Variants in CHN2 observed in about 807,000 individuals in gnomAD.
CHN2 encodes chimerin 2, also known as beta-chimaerin.
CHN2 carries 35 observed loss-of-function variants against 56.3 expected under a neutral mutation model. The observed-to-expected ratio is 0.62, with a 90% confidence interval of 0.47 to 0.82. CHN2 has a LOEUF of 0.82. Among genes scored for constraint, CHN2 ranks in the 40% least tolerant of loss-of-function variants. The pLI is 0.00. For synonymous variants in CHN2, 210 were observed against 212.8 expected, an observed-to-expected ratio of 0.99 and a Z score of 0.12; for missense variants, 491 against 580.5, an observed-to-expected ratio of 0.85 and a Z score of 1.58.
At chr7:29,428,586 CACA>C (rs957375558) in intron 6 of CHN2, among the ~76,000 whole-genome samples, 30 of 152,098 alleles carry the variant, frequency 2.0e-4, no homozygotes, top group African/African-American at 6.8e-4. Flanking sequence ...CTTCAACCAA[CACA>C]ACAAGTGAAA....
intron 6 of CHN2, among the ~76,000 whole-genome samples, chr7:29,408,356 A>G (rs1802859173): frequency 6.6e-6 from 1 of 152,098 alleles, no homozygotes. Context: ...GTTAGATGGA[A>G]GGGGAGACGA....
chr7:29,361,427 G>T (rs1368005946), intron 2 of CHN2, among the ~76,000 whole-genome samples: 1 of 152,082 alleles, frequency 6.6e-6, no homozygotes, highest in African/African-American at 2.4e-5. Flanking sequence ...AGGCTTCTGT[G>T]CCTACTTGCC....
At chr7:29,370,304 A>G (rs1399777936) in intron 3 of CHN2, among the ~76,000 whole-genome samples, 2 of 152,180 alleles carry the variant, frequency 1.3e-5, no homozygotes, top group African/African-American at 4.8e-5. Context: ...GTTGTCTTGT[A>G]ACACACTTGC....
Position 29,292,214 on chromosome 7 carries a change from G to A in CHN2, c.50-62411G>A, listed in dbSNP as rs1792692692. On this transcript the variant is annotated intron_variant, in intron 1 of 12. Transcript: ENST00000222792. ...TTCTCTGTGTTGAACAGAGATGCAT[G>A]TTTTTGATATGCTGAGGAGCATTAC... Among the ~76,000 whole-genome samples the A allele has an allele frequency of 2.6e-5, 4 of 152,150 alleles. No individual in the cohort carries two copies. The South Asian group carries it at 8.3e-4, about 32-fold the overall frequency.
intron 6 of CHN2, among the ~76,000 whole-genome samples, chr7:29,459,003 C>G (rs1343451871): frequency 6.6e-6 from 1 of 152,220 alleles, no homozygotes; most frequent in Non-Finnish European, 1.5e-5. Context: ...GATCCTTTCA[C>G]AAAGAAGTTT....
At chr7:29,180,165 AC>A (rs1481293099) in intron 2 of CHN2, among the ~76,000 whole-genome samples, 1 of 152,214 alleles carries the variant, frequency 6.6e-6, no homozygotes, top group Non-Finnish European at 1.5e-5. Flanking sequence ...AAAATATTTC[AC>A]ATCAAACATT....
rs185421547 is a variant in CHN2 at position 29,286,742 on chromosome 7, A to G, written c.50-67883A>G. 5.6e-3 allele frequency among the ~76,000 whole-genome samples: 852 copies of G among 152,344 alleles called. 3 individuals are homozygous for G. Among genetic ancestry groups the G allele is most frequent in the Middle Eastern group, 0.017 (5 of 294 alleles). ...ATTCCACAATTCCTTTAGAGAGACC[A>G]TAAAGCCCATATGAGTGGGCTTGGT... is the stretch of plus-strand genomic sequence containing the variant. On this transcript the variant is annotated intron_variant, in intron 1 of 12. Transcript: ENST00000222792.
chr7:29,384,438 T>C (rs948092536), intron 3 of CHN2, among the ~76,000 whole-genome samples: 3 of 152,168 alleles, frequency 2.0e-5, no homozygotes, highest in African/African-American at 7.2e-5. Context: ...ACAGTCTCCA[T>C]GTGACTTGCT....
chr7:29,232,852 T>G (rs1168288856), intron 1 of CHN2, among the ~76,000 whole-genome samples: 1 of 152,210 alleles, frequency 6.6e-6, no homozygotes, highest in Non-Finnish European at 1.5e-5. Flanking sequence ...AGACATTATT[T>G]TAAACGGACA....
chr7:29,371,600 T>A (rs909499836), intron 3 of CHN2, among the ~76,000 whole-genome samples: 8 of 152,164 alleles, frequency 5.3e-5, no homozygotes, highest in African/African-American at 1.9e-4. Flanking sequence ...GAATGTTGAC[T>A]CTCAAATTTG....
chr7:29,406,459 G>C (rs1478363382), intron 6 of CHN2, among the ~76,000 whole-genome samples: 2 of 152,170 alleles, frequency 1.3e-5, no homozygotes, highest in Non-Finnish European at 2.9e-5. Context: ...AGGCATGCTG[G>C]AGAGCTAGGT....
chr7:29,150,781 A>T (rs753092796), intron 2 of CHN2, among the ~76,000 whole-genome samples: 1 of 152,166 alleles, frequency 6.6e-6, no homozygotes, highest in East Asian at 1.9e-4. Context: ...GTTGTTACTG[A>T]TCTTCAATGG....
intron 1 of CHN2, among the ~76,000 whole-genome samples, chr7:29,351,145 C>T (rs1468391908): frequency 1.3e-5 from 2 of 150,262 alleles, no homozygotes; most frequent in Non-Finnish European, 3.0e-5. Context: ...CACAGTGCCC[C>T]TAAGAGATAG....
At position 29,267,838 on chromosome 7, in the gene CHN2, C is replaced by G. The variant is rs528825015; in HGVS notation, c.49+72848C>G. ...TGTACATGAGCTAGGATCATTCAAG[C>G]TGTGACTTGGGGAATCTTTAATTTG... On this transcript the variant is annotated intron_variant, in intron 1 of 12. Transcript: ENST00000222792. Among the ~76,000 whole-genome samples, 40 of 152,310 alleles carry G rather than the reference C, an allele frequency of 2.6e-4. 2 individuals are homozygous for G. In the South Asian group the frequency reaches 7.9e-3, roughly 30 times the overall value.
At chr7:29,342,216 C>A (rs1214617359) in intron 1 of CHN2, among the ~76,000 whole-genome samples, 2 of 152,004 alleles carry the variant, frequency 1.3e-5, no homozygotes, top group African/African-American at 4.8e-5. Context: ...GGCTGGATGG[C>A]TGGATGGTTA....
intron 2 of CHN2, among the ~76,000 whole-genome samples, chr7:29,174,236 C>T (rs982218678): frequency 2.0e-5 from 3 of 152,174 alleles, no homozygotes; most frequent in Non-Finnish European, 4.4e-5. Flanking sequence ...CAGGAAGAAG[C>T]AGCAAGCCCT....
intron 1 of CHN2, among the ~76,000 whole-genome samples, chr7:29,272,159 G>A (rs3793307): frequency 0.016 from 2,412 of 152,152 alleles, 100 homozygotes; most frequent in Admixed American, 0.087. Context: ...TGGATGGGCC[G>A]TTCTCCTGCC....
chr7:29,189,397 G>A (rs1300114317), intron 2 of CHN2, among the ~76,000 whole-genome samples: 1 of 152,032 alleles, frequency 6.6e-6, no homozygotes, highest in Non-Finnish European at 1.5e-5. Context: ...CGTTATGAAA[G>A]CAAATTTTCA....
At chr7:29,340,511 C>T (rs1188520801) in intron 1 of CHN2, among the ~76,000 whole-genome samples, 5 of 152,144 alleles carry the variant, frequency 3.3e-5, no homozygotes, top group Non-Finnish European at 5.9e-5. Flanking sequence ...AGGCTATTAG[C>T]CATGTGTGCT....
Sources: gnomAD v4.1 joint callset for allele counts (sites outside exome capture counted in the v4.1 genomes callset) on GRCh38, gnomAD v4.1.1 for gene constraint, MANE v1.5 for transcripts, NCBI Gene and HGNC (gene_info 2026-07-23, HGNC 2026-07-21) for gene names.